Variants in JAKMIP3 observed in about 807,000 individuals in gnomAD.
JAKMIP3 encodes Janus kinase and microtubule interacting protein 3.
In JAKMIP3, 58 loss-of-function variants were observed where a neutral mutation model predicts 118.5. That is an observed-to-expected ratio of 0.49 (90% CI 0.40 to 0.61). JAKMIP3 has a LOEUF of 0.61. Ranked by LOEUF, JAKMIP3 falls within the 20% of genes least tolerant of loss-of-function variation. The pLI is 0.00. For synonymous variants in JAKMIP3, 486 were observed against 451.2 expected (o/e 1.08, Z -0.98); for missense variants, 950 against 1,109.0 (o/e 0.86, Z 2.04).
At chr10:132,140,226 CTCA>C (rs1589923526) in intron 9 of JAKMIP3, among the ~76,000 whole-genome samples, 1 of 152,224 alleles carries the variant, frequency 6.6e-6, no homozygotes, top group Admixed American at 6.5e-5. Context: ...CCAGGACCCG[CTCA>C]CCCACGGGAC....
chr10:132,138,306 G>C (rs1323744336), intron 9 of JAKMIP3, 128 bp downstream of exon 9: 1 of 810,292 alleles, frequency 1.2e-6, no homozygotes, highest in Non-Finnish European at 1.9e-6. Context: ...AGGGCGCTGG[G>C]TGTGTGTGCC....
At chr10:132,143,668 CCA>C (rs1316273029) in intron 11 of JAKMIP3, 1 of 152,198 alleles carries the variant, frequency 6.6e-6, no homozygotes, top group Non-Finnish European at 1.5e-5. Context: ...AGCCGGCATC[CCA>C]CAGTCTGATT....
intron 2 of JAKMIP3, among the ~76,000 whole-genome samples, chr10:132,116,823 A>C (rs1390659707): frequency 7.4e-6 from 1 of 134,386 alleles, no homozygotes; most frequent in Admixed American, 7.4e-5. Flanking sequence ...GCTCCCCCCG[A>C]ATACACATTC....
At chr10:132,058,302 G>A (rs2038299777) in intron 1 of JAKMIP3, among the ~76,000 whole-genome samples, 1 of 152,248 alleles carries the variant, frequency 6.6e-6, no homozygotes, top group African/African-American at 2.4e-5. Flanking sequence ...GATGTGGTTT[G>A]TGGTTCACAG....
At chr10:132,098,648 C>T (rs1279038149) in intron 1 of JAKMIP3, among the ~76,000 whole-genome samples, 2 of 152,180 alleles carry the variant, frequency 1.3e-5, no homozygotes, top group East Asian at 1.9e-4. Flanking sequence ...AGCTTAGTGG[C>T]GTTGCTCTTC....
chr10:132,135,219 T>TG (rs1476284180), intron 5 of JAKMIP3, 59 bp downstream of exon 5: 3 of 1,511,034 alleles, frequency 2.0e-6, no homozygotes, highest in Admixed American at 2.0e-5. Context: ...GCTGGGGACC[T>TG]GGGGGGCATC....
At chr10:132,145,777 G>A (rs149552782) in intron 13 of JAKMIP3, among the ~76,000 whole-genome samples, 197 bp downstream of exon 13, 6 of 152,332 alleles carry the variant, frequency 3.9e-5, no homozygotes, top group African/African-American at 1.2e-4. Context: ...AGAGGGAGCT[G>A]GGGCCTGTTC....
At chr10:132,106,244 A>G (rs9419369) in intron 2 of JAKMIP3, among the ~76,000 whole-genome samples, 33,866 of 151,868 alleles carry the variant, frequency 0.22, 4,277 homozygotes, top group African/African-American at 0.35. Context: ...AGGCTGAGGC[A>G]AGACAATTAC....
At chr10:132,128,939 G>C (rs2050109868) in intron 3 of JAKMIP3, among the ~76,000 whole-genome samples, 1 of 152,140 alleles carries the variant, frequency 6.6e-6, no homozygotes, top group African/African-American at 2.4e-5. Flanking sequence ...TTAAGTTCTT[G>C]TTGGCTAACT....
upstream of JAKMIP3, among the ~76,000 whole-genome samples, chr10:132,060,562 G>A (rs926697663): frequency 6.6e-6 from 1 of 152,230 alleles, no homozygotes; most frequent in Admixed American, 6.5e-5. Context: ...AGGAATGAGA[G>A]AGGGGTGCAG....
At chr10:132,163,472 A>AGG (rs778671472) in intron 20 of JAKMIP3, 60 bp downstream of exon 20, 3 of 1,468,642 alleles carry the variant, frequency 2.0e-6, no homozygotes, top group Non-Finnish European at 9.2e-7. Context: ...GCACAGAGCC[A>AGG]GGGGGGGTCC....
chr10:132,173,451 A>G (rs1401637562), intron 23 of JAKMIP3, among the ~76,000 whole-genome samples: 2 of 151,632 alleles, frequency 1.3e-5, no homozygotes, highest in Non-Finnish European at 2.9e-5. Flanking sequence ...CCTGTAGGAA[A>G]CAGATGCCCC....
At chr10:132,107,605 G>A (rs1307718253) in intron 2 of JAKMIP3, among the ~76,000 whole-genome samples, 1 of 152,254 alleles carries the variant, frequency 6.6e-6, no homozygotes, top group African/African-American at 2.4e-5. Context: ...TCCTGCATAA[G>A]CGATCTGAGC....
At chr10:132,075,234 A>C (rs757966279) in intron 1 of JAKMIP3, among the ~76,000 whole-genome samples, 1 of 152,138 alleles carries the variant, frequency 6.6e-6, no homozygotes, top group Non-Finnish European at 1.5e-5. Context: ...GAGGGCATTG[A>C]ATCTGTAGAT....
At chr10:132,128,372 G>A (rs1448676084) in intron 3 of JAKMIP3, among the ~76,000 whole-genome samples, 1 of 152,148 alleles carries the variant, frequency 6.6e-6, no homozygotes, top group Non-Finnish European at 1.5e-5. Context: ...TCAGTATGAT[G>A]TGTCTAGGTG....
In JAKMIP3 at chr10:132,044,716, T is replaced by C. The variant is rs1006519285; in HGVS notation, c.-138+7978T>C. On this transcript the variant is annotated intron_variant, in intron 1 of 23. Transcript: ENST00000657785. The surrounding 1 kb of genome is among the most constrained non-coding windows in gnomAD (Gnocchi z 5.3). ...TACAAGTCACCATCTGAACCATTTT[T>C]AGGTGTGCGGCTCAGAGTAGGGACA... 6.6e-6 allele frequency among the ~76,000 whole-genome samples: 1 copy of C among 152,110 alleles called. No homozygotes were observed. Among genetic ancestry groups the C allele is most frequent in the African/African-American group, 2.4e-5 (1 of 41,420 alleles).
rs1460993376 is a variant in JAKMIP3 at position 132,118,540 on chromosome 10, C to T, written c.633+966C>T. Among the ~76,000 whole-genome samples, 1 of 152,202 alleles carries T rather than the reference C, an allele frequency of 6.6e-6. No individual in the cohort carries two copies. Among genetic ancestry groups the T allele is most frequent in the African/African-American group, 2.4e-5 (1 of 41,452 alleles). On this transcript the variant is annotated intron_variant, in intron 3 of 23. Transcript: ENST00000684848. This position sits in a 1 kb window ranked among gnomAD's most constrained non-coding sequence, Gnocchi z 4.8. ...CCTGCTTCCCGGGGCCTCCGGTCTC[C>T]AGGGATGGCCTCCAGGCTGGGCCAG...
intron 1 of JAKMIP3, among the ~76,000 whole-genome samples, chr10:132,095,429 C>G (rs1333892767): frequency 1.3e-5 from 2 of 152,192 alleles, no homozygotes; most frequent in Admixed American, 6.5e-5. Flanking sequence ...GTATTTCGCT[C>G]GACTCAGCTC....
At chr10:132,037,706 T>C (rs956292567) in intron 1 of JAKMIP3, among the ~76,000 whole-genome samples, 4 of 151,744 alleles carry the variant, frequency 2.6e-5, no homozygotes, top group Non-Finnish European at 5.9e-5. Context: ...TAAACTGGAG[T>C]GGGGAGGGCG....
Sources: gnomAD v4.1 joint callset for allele counts (sites outside exome capture counted in the v4.1 genomes callset) on GRCh38, gnomAD v4.1.1 for gene constraint, Gnocchi (gnomAD v3.1) non-coding constraint, MANE v1.5 for transcripts, NCBI Gene and HGNC (gene_info 2026-07-23, HGNC 2026-07-21) for gene names.